MTR: variants seen among roughly 807,000 people sequenced by gnomAD.
MTR encodes 5-methyltetrahydrofolate-homocysteine methyltransferase, also known as methionine synthase.
Under a neutral mutation model 154.8 loss-of-function variants are expected in MTR, and 84 were observed. The ratio of observed to expected loss-of-function variants is 0.54; its 90% CI spans 0.45 to 0.65. The LOEUF (loss-of-function observed/expected upper bound fraction) is 0.65. Ranked by LOEUF, MTR falls within the 30% of genes least tolerant of loss-of-function variation. The pLI, the probability that MTR is intolerant of heterozygous loss-of-function variation, is 0.00. For missense variants in MTR, 1,275 were observed against 1,570.2 expected, an observed-to-expected ratio of 0.81 and a Z score of 3.18; for synonymous variants, 554 against 553.9, an observed-to-expected ratio of 1.00 and a Z score of 0.00.
chr1:236,889,101 A>G (rs1204932540), intron 27 of MTR, 80 bp from the exon 28 acceptor site: 3 of 1,554,474 alleles, frequency 1.9e-6, no homozygotes, highest in Non-Finnish European at 2.7e-6. Context: ...GAGTTGGCAG[A>G]GCAGTGAGGA....
At chr1:236,828,139 G>A (rs887427183) in intron 11 of MTR, among the ~76,000 whole-genome samples, 11 of 151,974 alleles carry the variant, frequency 7.2e-5, no homozygotes, top group African/African-American at 2.2e-4. Context: ...CACCATGCCC[G>A]GCTAATTTTT....
rs559511980 is a variant in MTR at position 236,841,975 on chromosome 1, C to A, written c.1515+3376C>A. 2.0e-3 allele frequency among the ~76,000 whole-genome samples: 297 copies of A among 151,766 alleles called. 1 individual carries two copies. The highest frequency in any genetic ancestry group is 5.7e-3 in the African/African-American group (234 of 41,378). ...GCGCGATCTTGGCTCACTGCAGGCT[C>A]CGCCCCCCGGGGTTCACGCCATTCT... On this transcript the variant is annotated intron_variant, in intron 15 of 32. Coordinates refer to ENST00000366577, the MANE Select transcript of MTR (RefSeq NM_000254.3).
intron 16 of MTR, among the ~76,000 whole-genome samples, chr1:236,851,349 T>G (rs574867354): frequency 1.3e-5 from 2 of 152,340 alleles, no homozygotes; most frequent in African/African-American, 4.8e-5. Flanking sequence ...AGGTCACTTT[T>G]TAAAATGGCC....
chr1:236,877,302 A>G (rs1665486212), intron 24 of MTR, among the ~76,000 whole-genome samples: 5 of 152,192 alleles, frequency 3.3e-5, no homozygotes, highest in Admixed American at 3.3e-4. Context: ...AATCATATAG[A>G]TGTACAACTT....
intron 16 of MTR, among the ~76,000 whole-genome samples, chr1:236,852,281 G>A (rs189895208): frequency 2.0e-5 from 3 of 152,066 alleles, no homozygotes; most frequent in Non-Finnish European, 4.4e-5. Flanking sequence ...GTGTGTACGC[G>A]CGTGTTCTCC....
At chr1:236,873,865 A>G (rs1051119281) in intron 23 of MTR, 25 bp downstream of exon 23, 2 of 1,603,306 alleles carry the variant, frequency 1.2e-6, no homozygotes, top group South Asian at 2.2e-5. Context: ...TACTTTGGGC[A>G]TTTCTCTAAA....
intron 9 of MTR, 97 bp from the exon 10 acceptor site, chr1:236,825,235 TAATATA>T (rs1281233807): frequency 2.8e-6 from 2 of 721,950 alleles, no homozygotes; most frequent in Non-Finnish European, 4.4e-6. Context: ...AGTCACCATT[TAATATA>T]AATATAAAAT....
chr1:236,842,182 C>T (rs796240501), intron 15 of MTR, among the ~76,000 whole-genome samples: 12 of 152,328 alleles, frequency 7.9e-5, no homozygotes, highest in African/African-American at 2.2e-4. Flanking sequence ...TGAGCCACCG[C>T]GCCCGGCTGT....
chr1:236,804,019 C>G (rs1660834767), intron 2 of MTR, among the ~76,000 whole-genome samples: 1 of 150,786 alleles, frequency 6.6e-6, no homozygotes, highest in Non-Finnish European at 1.5e-5. Context: ...TACCTGTTAC[C>G]ATAGACTGGG....
intron 14 of MTR, among the ~76,000 whole-genome samples, chr1:236,838,105 G>C (rs749757472): frequency 6.6e-6 from 1 of 152,108 alleles, no homozygotes; most frequent in South Asian, 2.1e-4. Context: ...GTTTGCCTCG[G>C]GGCTTAGGCG....
rs1454163358 is a variant in MTR, at chr1:236,903,754, A to G, written c.*6110A>G. On this transcript the variant is annotated 3_prime_UTR_variant, in exon 33 of 33. Coordinates refer to ENST00000366577, the MANE Select transcript of MTR (RefSeq NM_000254.3). The stretch of plus-strand genomic sequence containing the variant: ...TGAGGAAGGAACTCTGAACTCTCAC[A>G]ATCTTGTTTCTTCATTTCCCAGAGA... 1 of 152,218 alleles carries G rather than the reference A, an allele frequency of 6.6e-6. No individual in the cohort carries two copies. The highest frequency in any genetic ancestry group is 2.1e-4 in the South Asian group (1 of 4,830). 9.4% of individuals were successfully genotyped at this position (152,218 alleles called of 1,614,324 possible). A position where few individuals can be genotyped will look rare whatever the true frequency, so the allele number is the denominator to read the frequency against.
At chr1:236,868,688 A>G (rs1664953396) in intron 22 of MTR, among the ~76,000 whole-genome samples, 2 of 152,360 alleles carry the variant, frequency 1.3e-5, no homozygotes, top group Admixed American at 1.3e-4. Context: ...GTTATACATC[A>G]TACATCTAAT....
At chr1:236,854,104 G>A (rs1455082597) in intron 18 of MTR, among the ~76,000 whole-genome samples, 1 of 152,210 alleles carries the variant, frequency 6.6e-6, no homozygotes, top group Non-Finnish European at 1.5e-5. Flanking sequence ...TGATAGAACT[G>A]CCAACTTTGC....
At chr1:236,854,962 G>C (rs923655768) in intron 18 of MTR, among the ~76,000 whole-genome samples, 2 of 152,132 alleles carry the variant, frequency 1.3e-5, no homozygotes, top group African/African-American at 4.8e-5. Flanking sequence ...AACCACGAGG[G>C]CTTCTTATAA....
At chr1:236,884,150 A>G (rs934519169) in intron 25 of MTR, among the ~76,000 whole-genome samples, 1 of 152,234 alleles carries the variant, frequency 6.6e-6, no homozygotes, top group African/African-American at 2.4e-5. Context: ...ATTTTAGCAG[A>G]AAGTCAGTGG....
At chr1:236,866,078 C>T (rs1374691027) in intron 22 of MTR, among the ~76,000 whole-genome samples, 3 of 152,100 alleles carry the variant, frequency 2.0e-5, no homozygotes, top group African/African-American at 7.2e-5. Context: ...AGTATAATGT[C>T]TAATATTGAC....
chr1:236,886,320 C>T lies in MTR; in HGVS notation c.2804C>T (p.Ala935Val). ...AGGAGATACTTACCCTTAAGTCAAG[C>T]CAGAAAAAGTGGTTTCCAAATGGAT... The part of the protein sequence containing the change: ...KERRYLPLSQ[A>V]RKSGFQMDWL... The change falls in exon 27 of 33, where the codon GCC becomes GTC. Residue 935 changes from alanine to valine, a missense_variant. By Grantham distance (64) the Ala-to-Val change is moderately conservative. Transcript: ENST00000366577. The T allele has an allele frequency of 6.2e-7, 1 of 1,614,064 alleles. No homozygotes were observed. Among genetic ancestry groups the T allele is most frequent in the Non-Finnish European group, 8.5e-7 (1 of 1,180,002 alleles).
chr1:236,825,794 G>T (rs1229869398), intron 10 of MTR, among the ~76,000 whole-genome samples: 2 of 152,138 alleles, frequency 1.3e-5, no homozygotes, highest in African/African-American at 4.8e-5. Context: ...TCATACACTG[G>T]CCATTGTTAA....
chr1:236,869,533 TCAA>T (rs1212244875), intron 22 of MTR, among the ~76,000 whole-genome samples: 1 of 152,162 alleles, frequency 6.6e-6, no homozygotes, highest in Non-Finnish European at 1.5e-5. Flanking sequence ...TACTGTAAAA[TCAA>T]CAACTTCCGT....
Sources: allele counts gnomAD v4.1 joint callset (sites outside exome capture counted in the v4.1 genomes callset), GRCh38; gene constraint gnomAD v4.1.1; transcripts MANE v1.5; gene names NCBI Gene and HGNC (gene_info 2026-07-23, HGNC 2026-07-21).